DNAH17: variants seen among roughly 807,000 people sequenced by gnomAD.
DNAH17 encodes dynein axonemal heavy chain 17.
In DNAH17, 376 loss-of-function variants were observed where a neutral mutation model predicts 485.6. That is an observed-to-expected ratio of 0.77 (90% CI 0.71 to 0.84). The LOEUF is 0.84. Among genes scored for constraint, DNAH17 ranks in the 40% least tolerant of loss-of-function variants. DNAH17 has a pLI of 0.00. For synonymous variants in DNAH17, 3,031 were observed against 2,405.9 expected (o/e 1.26, Z -7.60); for missense variants, 6,370 against 5,839.3 (o/e 1.09, Z -2.96).
intron 13 of DNAH17, among the ~76,000 whole-genome samples, chr17:78,559,227 C>G (rs1414201119): frequency 1.3e-5 from 2 of 152,324 alleles, no homozygotes; most frequent in African/African-American, 2.4e-5. Flanking sequence ...GTCTCCAACC[C>G]CAGCCTCTCT....
chr17:78,450,241 C>G lies in DNAH17; in HGVS notation c.11040+13G>C, dbSNP rs759083627. Reference sequence around the variant, plus strand: ...CCTTGAGGGAGGCACCCAGCCCCAGCTGCAGGGCGCACCTTGAGGGAGAAC... The same window carrying G: ...CCTTGAGGGAGGCACCCAGCCCCAGGTGCAGGGCGCACCTTGAGGGAGAAC... On this transcript the variant is annotated intron_variant, in intron 68 of 80. Transcript: ENST00000389840. The G allele has an allele frequency of 8.7e-6, 14 of 1,613,084 alleles. No homozygotes were observed. The highest frequency in any genetic ancestry group is 1.3e-5 in the African/African-American group (1 of 74,922).
chr17:78,566,885 G>C (rs1263400767), intron 10 of DNAH17, 114 bp downstream of exon 10: 1 of 1,380,634 alleles, frequency 7.2e-7, no homozygotes, highest in Non-Finnish European at 9.8e-7. Flanking sequence ...AAAGTGTTGG[G>C]ATCACCTGGC....
chr17:78,570,612 C>T (rs371378682), intron 6 of DNAH17, among the ~76,000 whole-genome samples: 272 of 152,228 alleles, frequency 1.8e-3, no homozygotes, highest in African/African-American at 6.3e-3. Flanking sequence ...GTAATCCCAG[C>T]ACTTTGGGAG....
chr17:78,551,614 A>G lies in DNAH17; in HGVS notation c.2312T>C (p.Val771Ala), dbSNP rs1334196902. The change falls in exon 16 of 81, where the codon GTG becomes GCG. Residue 771 changes from valine to alanine, a missense_variant. Transcript: ENST00000389840. Reference protein sequence around the residue: ...GEGVFQYIQEVREILHNLQNR... With the variant: ...GEGVFQYIQEAREILHNLQNR... ...CTGCAAGTTGTGCAGAATTTCTCGC[A>G]CCTCTTGAATGTACTGAAACACACC... 2.5e-6 allele frequency: 4 copies of G among 1,613,932 alleles called. No homozygotes were observed. Among genetic ancestry groups the G allele is most frequent in the Non-Finnish European group, 1.7e-6 (2 of 1,179,880 alleles).
At chr17:78,527,052 C>A in intron 22 of DNAH17, 56 bp from the exon 23 acceptor site, 1 of 1,412,270 alleles carries the variant, frequency 7.1e-7, no homozygotes, top group Non-Finnish European at 9.6e-7. Flanking sequence ...CTTAAACCTT[C>A]TATTGTGAAA....
intron 14 of DNAH17, among the ~76,000 whole-genome samples, chr17:78,557,744 C>T (rs537510664): frequency 3.1e-4 from 44 of 141,332 alleles, no homozygotes; most frequent in African/African-American, 1.1e-3. Flanking sequence ...CTGCTATTTG[C>T]ATGAATAATG....
At position 78,424,095 on chromosome 17, in the gene DNAH17, G is replaced by A. The variant is rs1482514350; in HGVS notation, c.13200C>T (p.Thr4400=). The A allele has an allele frequency of 1.2e-6, 2 of 1,613,922 alleles. No individual in the cohort carries two copies. The highest frequency in any genetic ancestry group is 2.2e-5 in the South Asian group (2 of 91,088). Residue 4400 remains threonine (T), a synonymous_variant, in exon 81 of 81, where the codon ACC becomes ACT. Transcript: ENST00000389840. Reference sequence around the variant, plus strand: ...TGATGAAGATGACAGGCATGGCCGGGGTCAGCTCTTTCAGCCGCGCTTCAG... The same window carrying A: ...TGATGAAGATGACAGGCATGGCCGGAGTCAGCTCTTTCAGCCGCGCTTCAG... ...VIAEARLKEL[T]PAMPVIFIKA...
In DNAH17 at chr17:78,480,901, C is replaced by CG. The variant is rs1485106718; in HGVS notation, c.7650-116dup. ...TTATTATTTTTTTGAGACAGAGTCT[C>CG]GCTCTGTTGCCCAGGCTGGAGTGCA... On this transcript the variant is annotated intron_variant, in intron 48 of 80. Coordinates refer to ENST00000389840, the MANE Select transcript of DNAH17 (RefSeq NM_173628.4). 39 of 725,716 alleles carry CG rather than the reference C, an allele frequency of 5.4e-5. No individual in the cohort carries two copies. In the East Asian group the frequency reaches 8.7e-4, roughly 16 times the overall value. The allele number at this position is 725,716 out of a possible 1,614,324, so 45.0% of individuals were successfully genotyped here. A position where few individuals can be genotyped will look rare whatever the true frequency, so the allele number is the denominator to read the frequency against.
At chr17:78,468,468 G>A in intron 55 of DNAH17, 149 bp downstream of exon 55, 1 of 1,088,396 alleles carries the variant, frequency 9.2e-7, no homozygotes. Flanking sequence ...CGGTTCATCA[G>A]ACAGCCCCAC....
chr17:78,518,908 C>A (rs2143171129), intron 25 of DNAH17, among the ~76,000 whole-genome samples: 1 of 152,210 alleles, frequency 6.6e-6, no homozygotes, highest in East Asian at 1.9e-4. Flanking sequence ...GTGGCTCACG[C>A]CTGTAATCCC....
chr17:78,568,571 G>T (rs1378476977), intron 9 of DNAH17, among the ~76,000 whole-genome samples: 1 of 152,134 alleles, frequency 6.6e-6, no homozygotes, highest in Non-Finnish European at 1.5e-5. Context: ...TCTCTCCAGA[G>T]CCCCAGAGAA....
intron 48 of DNAH17, among the ~76,000 whole-genome samples, chr17:78,483,269 C>T (rs1468290006): frequency 6.6e-6 from 1 of 152,192 alleles, no homozygotes; most frequent in African/African-American, 2.4e-5. Context: ...TTCCTATAGT[C>T]GTGAGCTCTG....
In DNAH17 at chr17:78,426,950, G is replaced by C. The variant is rs1488752530; in HGVS notation, c.12747C>G (p.Leu4249=). The C allele has an allele frequency of 6.2e-7, 1 of 1,608,578 alleles. No homozygotes were observed. Among genetic ancestry groups the C allele is most frequent in the Non-Finnish European group, 8.5e-7 (1 of 1,177,520 alleles). The change falls in exon 78 of 81, where the codon CTC becomes CTG. Residue 4249 remains leucine, a synonymous_variant. Transcript: ENST00000389840. ...NILTNEMRRS[L]KELNLGLKGE... ...CCTTCAGCCCCAGGTTCAGCTCCTT[G>C]AGCGAACGGCGCATTTCGTTGGTCA...
At chr17:78,472,340 ATTAGGG>A (rs1568106482) in intron 54 of DNAH17, among the ~76,000 whole-genome samples, 1 of 107,950 alleles carries the variant, frequency 9.3e-6, no homozygotes, top group East Asian at 2.4e-4. Context: ...GGGTGCGAGG[ATTAGGG>A]TTAGGATTTG....
At chr17:78,502,385 G>C (rs773940981) in intron 33 of DNAH17, 26 of 473,216 alleles carry the variant, frequency 5.5e-5, no homozygotes, top group Non-Finnish European at 9.7e-5. Context: ...TTCTGAAGGT[G>C]TCTGTTACTC....
chr17:78,550,900 G>A (rs143445105), intron 16 of DNAH17, among the ~76,000 whole-genome samples: 7 of 152,256 alleles, frequency 4.6e-5, no homozygotes, highest in South Asian at 2.1e-4. Context: ...AGGAAATTGC[G>A]TGAGAAATTA....
chr17:78,468,590 A>G (rs778830837), intron 55 of DNAH17, 27 bp downstream of exon 55: 7 of 1,602,136 alleles, frequency 4.4e-6, no homozygotes, highest in Non-Finnish European at 6.0e-6. Context: ...TGGGCTCTTG[A>G]GGCCCTGCCG....
chr17:78,453,233 T>C (rs531934627), intron 65 of DNAH17, 110 bp downstream of exon 65: 1 of 1,455,322 alleles, frequency 6.9e-7, no homozygotes, highest in Admixed American at 2.2e-5. Flanking sequence ...CCCTTGCTGC[T>C]TACCAGGGAA....
chr17:78,450,639 C>G (rs768166338), intron 67 of DNAH17, 43 bp downstream of exon 67: 1 of 1,591,504 alleles, frequency 6.3e-7, no homozygotes, highest in Non-Finnish European at 8.6e-7. Flanking sequence ...GCCCAGCCTC[C>G]CAAGCCCTGG....
Sources: gnomAD v4.1 joint callset for allele counts (sites outside exome capture counted in the v4.1 genomes callset) on GRCh38, gnomAD v4.1.1 for gene constraint, MANE v1.5 for transcripts, NCBI Gene and HGNC (gene_info 2026-07-23, HGNC 2026-07-21) for gene names.